The following NTRK2 variants were observed in gnomAD, a reference collection of about 807,000 sequenced individuals.
The protein encoded by NTRK2 is BDNF/NT-3 growth factors receptor.
A neutral mutation model predicts 94.5 loss-of-function variants in NTRK2; 13 were observed. That is an observed-to-expected ratio of 0.14 (90% CI 0.09 to 0.22). The LOEUF is 0.22. NTRK2 is among the 10% of genes least tolerant of loss of function. NTRK2 has a pLI of 1.00. For synonymous variants in NTRK2, 372 were observed against 407.4 expected, an observed-to-expected ratio of 0.91 and a Z score of 1.05; for missense variants, 639 against 1,071.2, an observed-to-expected ratio of 0.60 and a Z score of 5.63.
intron 14 of NTRK2, among the ~76,000 whole-genome samples, chr9:84,925,914 T>C (rs2077748281): frequency 1.3e-5 from 2 of 152,186 alleles, no homozygotes; most frequent in South Asian, 2.1e-4. Context: ...TCAATGCCTG[T>C]GGAGTGTGTG....
chr9:84,753,672 C>T (rs892387028), intron 12 of NTRK2, among the ~76,000 whole-genome samples: 3 of 152,142 alleles, frequency 2.0e-5, no homozygotes, highest in South Asian at 2.1e-4. Context: ...CTGTGTGTGC[C>T]GCACCCTACC....
At position 85,025,795 on chromosome 9, in the gene NTRK2, T is replaced by C; in HGVS notation, c.*4358T>C. The C allele has an allele frequency of 4.3e-6, 1 of 232,968 alleles. No homozygotes were observed. Among genetic ancestry groups the C allele is most frequent in the Non-Finnish European group, 8.5e-6 (1 of 117,898 alleles). 14.4% of individuals were successfully genotyped at this position (232,968 alleles called of 1,614,324 possible). On this transcript the variant is annotated 3_prime_UTR_variant, in exon 19 of 19. Transcript: ENST00000277120. ...AGAGGAATGGCTAGTGACCCAACTC[T>C]CCAAATGTCTAAGTTAGTAGTTACA...
chr9:84,697,683 T>G lies in NTRK2; in HGVS notation c.213-4476T>G, dbSNP rs565846140. ...GAGGCCAGGGCTGTGGAGATCCTCC[T>G]GGAGGCAGGTGGAAGTCACCAGGAG... On this transcript the variant is annotated intron_variant, in intron 2 of 18. Transcript: ENST00000277120. Among the ~76,000 whole-genome samples, 33 of 152,292 alleles carry G rather than the reference T, an allele frequency of 2.2e-4. No individual in the cohort carries two copies. In the East Asian group the frequency reaches 6.0e-3, roughly 28 times the overall value.
intron 2 of NTRK2, among the ~76,000 whole-genome samples, chr9:84,689,214 C>A (rs377206587): frequency 1.3e-5 from 2 of 152,260 alleles, no homozygotes; most frequent in East Asian, 1.9e-4. Context: ...TTGAGCATGA[C>A]ACTGAACAGC....
intron 17 of NTRK2, among the ~76,000 whole-genome samples, chr9:84,995,091 A>G (rs1042241546): frequency 1.3e-5 from 2 of 152,244 alleles, no homozygotes; most frequent in Non-Finnish European, 2.9e-5. Flanking sequence ...CCTTAGAAAC[A>G]GAAAACCCTT....
chr9:84,872,073 T>A, intron 14 of NTRK2: 1 of 1,369,724 alleles, frequency 7.3e-7, no homozygotes, highest in Non-Finnish European at 9.5e-7. Flanking sequence ...TCAATCAGGA[T>A]GGCAAGATGG....
chr9:84,988,207 G>T (rs966588024), intron 17 of NTRK2, among the ~76,000 whole-genome samples: 1 of 152,194 alleles, frequency 6.6e-6, no homozygotes, highest in Admixed American at 6.5e-5. Flanking sequence ...ACCAGAAAAT[G>T]CAGCCACGCC....
chr9:84,995,389 T>A (rs1359585597), intron 17 of NTRK2, among the ~76,000 whole-genome samples: 1 of 152,188 alleles, frequency 6.6e-6, no homozygotes, highest in East Asian at 1.9e-4. Flanking sequence ...TTTTGTTTGT[T>A]TGTTTGTTTT....
intron 15 of NTRK2, 92 bp from the exon 16 acceptor site, chr9:84,948,370 T>G: frequency 7.4e-7 from 1 of 1,344,244 alleles, no homozygotes. Context: ...TGTTTTCTCA[T>G]CTTTTGCCTA....
intron 15 of NTRK2, among the ~76,000 whole-genome samples, chr9:84,941,964 A>G (rs1234402531): frequency 6.6e-6 from 1 of 152,222 alleles, no homozygotes; most frequent in Non-Finnish European, 1.5e-5. Context: ...AAGAGCCAGT[A>G]TGGCTGAGAA....
At chr9:84,843,072 A>G (rs868525855) in intron 12 of NTRK2, among the ~76,000 whole-genome samples, 43 of 152,200 alleles carry the variant, frequency 2.8e-4, no homozygotes, top group Middle Eastern at 3.4e-3. Context: ...CTCCTGTAGG[A>G]ATGGGGGGTC....
At chr9:84,929,367 AG>A (rs1564473831) in intron 14 of NTRK2, among the ~76,000 whole-genome samples, 1 of 152,206 alleles carries the variant, frequency 6.6e-6, no homozygotes, top group Non-Finnish European at 1.5e-5. Context: ...CATCAGTGAC[AG>A]GGTTGCCCAG....
At chr9:84,707,793 C>A (rs1161797765) in intron 4 of NTRK2, 51 bp from the exon 5 acceptor site, 7 of 1,339,126 alleles carry the variant, frequency 5.2e-6, no homozygotes, top group Non-Finnish European at 6.4e-6. Context: ...ATACTGTGTT[C>A]CTAAAATGTA....
chr9:84,871,222 T>C (rs1367008593), intron 14 of NTRK2, among the ~76,000 whole-genome samples: 1 of 152,106 alleles, frequency 6.6e-6, no homozygotes, highest in Non-Finnish European at 1.5e-5. Context: ...ATCAGGCACG[T>C]CAATGCAAGA....
chr9:84,750,217 G>T (rs1020106083), intron 11 of NTRK2, among the ~76,000 whole-genome samples: 3 of 152,024 alleles, frequency 2.0e-5, no homozygotes, highest in Non-Finnish European at 4.4e-5. Context: ...TTTCCCCCTC[G>T]TTGTGACAAC....
chr9:84,784,786 C>T (rs891658573), intron 12 of NTRK2, among the ~76,000 whole-genome samples: 1 of 152,092 alleles, frequency 6.6e-6, no homozygotes, highest in Non-Finnish European at 1.5e-5. Flanking sequence ...AATTCATGCC[C>T]ACATATGATG....
chr9:84,920,657 G>A (rs959356704), intron 14 of NTRK2, among the ~76,000 whole-genome samples: 1 of 152,162 alleles, frequency 6.6e-6, no homozygotes, highest in Non-Finnish European at 1.5e-5. Flanking sequence ...TGGAAGCCAT[G>A]CCCCCATCTC....
At chr9:84,710,872 C>A in intron 6 of NTRK2, 81 bp downstream of exon 6, 1 of 1,373,104 alleles carries the variant, frequency 7.3e-7, no homozygotes, top group Non-Finnish European at 1.0e-6. Context: ...GGAAAATTAC[C>A]ACTACCTGGA....
intron 17 of NTRK2, among the ~76,000 whole-genome samples, chr9:84,979,578 A>C (rs1408958166): frequency 6.6e-6 from 1 of 152,236 alleles, no homozygotes; most frequent in Non-Finnish European, 1.5e-5. Flanking sequence ...TACAACCACG[A>C]ATTTGGAATA....
Sources: gnomAD v4.1 joint callset for allele counts (sites outside exome capture counted in the v4.1 genomes callset) on GRCh38, gnomAD v4.1.1 for gene constraint, MANE v1.5 for transcripts, NCBI Gene and HGNC (gene_info 2026-07-23, HGNC 2026-07-21) for gene names.